The following CALN1 variants were observed in gnomAD, a reference collection of about 807,000 sequenced individuals.
CALN1 encodes calneuron 1.
CALN1 carries 17 observed loss-of-function variants against 30.6 expected under a neutral mutation model. The ratio of observed to expected loss-of-function variants is 0.56; its 90% confidence interval spans 0.38 to 0.83. The LOEUF (loss-of-function observed/expected upper bound fraction) is 0.83. Among genes scored for constraint, CALN1 ranks in the 40% least tolerant of loss-of-function variants. The probability of loss-of-function intolerance (pLI) is 0.00; values close to 1 mark genes in which losing one functional copy is unlikely to be tolerated. For missense variants in CALN1, 291 were observed against 354.9 expected (o/e 0.82, Z 1.45); for synonymous variants, 156 against 131.4 (o/e 1.19, Z -1.28).
chr7:71,887,408 G>T (rs1792976686), intron 5 of CALN1, among the ~76,000 whole-genome samples: 1 of 152,180 alleles, frequency 6.6e-6, no homozygotes, highest in Non-Finnish European at 1.5e-5. Flanking sequence ...CAATTCTCCT[G>T]CCTCAGCCTC....
At chr7:72,148,632 T>C (rs1034167936) in intron 3 of CALN1, among the ~76,000 whole-genome samples, 3 of 151,838 alleles carry the variant, frequency 2.0e-5, no homozygotes, top group African/African-American at 4.8e-5. Context: ...AGGCTGGGCA[T>C]GGTGGCTCAC....
chr7:71,897,468 A>G, intron 5 of CALN1, among the ~76,000 whole-genome samples: 1 of 152,168 alleles, frequency 6.6e-6, no homozygotes, highest in East Asian at 1.9e-4. Flanking sequence ...AGCTCAGCAC[A>G]CATTTCTTCC....
At chr7:72,281,021 G>A (rs1049497892) in intron 2 of CALN1, among the ~76,000 whole-genome samples, 2 of 151,962 alleles carry the variant, frequency 1.3e-5, no homozygotes, top group Non-Finnish European at 1.5e-5. Context: ...GTGCACACCT[G>A]TAATCTCAGC....
chr7:71,999,038 A>G (rs768439600), intron 5 of CALN1, among the ~76,000 whole-genome samples: 3 of 152,226 alleles, frequency 2.0e-5, no homozygotes, highest in African/African-American at 4.8e-5. Flanking sequence ...CACCAATAAA[A>G]AAACAGATTG....
intron 2 of CALN1, among the ~76,000 whole-genome samples, chr7:72,348,164 G>A (rs756423230): frequency 5.9e-5 from 9 of 152,166 alleles, no homozygotes; most frequent in Non-Finnish European, 1.2e-4. Flanking sequence ...AATTATGTTT[G>A]CATCAACATA....
At chr7:72,026,318 G>A (rs1801051614) in intron 4 of CALN1, among the ~76,000 whole-genome samples, 1 of 152,064 alleles carries the variant, frequency 6.6e-6, no homozygotes, top group South Asian at 2.1e-4. Flanking sequence ...GGGTGAGGTG[G>A]CTCACACCTG....
intron 2 of CALN1, among the ~76,000 whole-genome samples, chr7:72,375,140 A>G (rs1007424175): frequency 6.6e-6 from 1 of 152,148 alleles, no homozygotes; most frequent in Non-Finnish European, 1.5e-5. Flanking sequence ...TGGCTTAAAC[A>G]CGCATTGTCT....
chr7:71,993,483 G>C (rs1420679495), intron 5 of CALN1, among the ~76,000 whole-genome samples: 1 of 148,720 alleles, frequency 6.7e-6, no homozygotes, highest in Non-Finnish European at 1.5e-5. Flanking sequence ...CTGTCATGGA[G>C]TCTCACTCTG....
chr7:72,457,623 CAG>C, the CALN1 span, among the ~76,000 whole-genome samples: 46 of 152,060 alleles, frequency 3.0e-4, no homozygotes, highest in African/African-American at 9.9e-4. Flanking sequence ...CTCCTTCTCC[CAG>C]AGAGAGAGAG....
At chr7:71,925,806 GAA>G (rs1164691335) in intron 5 of CALN1, among the ~76,000 whole-genome samples, 3 of 152,118 alleles carry the variant, frequency 2.0e-5, no homozygotes, top group Admixed American at 2.0e-4. Flanking sequence ...CCAAACTGGA[GAA>G]AGAGGCATTC....
chr7:71,962,107 T>C (rs1562938856), intron 5 of CALN1, among the ~76,000 whole-genome samples: 1 of 152,120 alleles, frequency 6.6e-6, no homozygotes, highest in African/African-American at 2.4e-5. Context: ...AAGAATAACC[T>C]TGTGGCCAGG....
intron 2 of CALN1, among the ~76,000 whole-genome samples, chr7:72,348,756 G>C (rs1041247456): frequency 2.0e-5 from 3 of 152,308 alleles, no homozygotes; most frequent in Non-Finnish European, 2.9e-5. Flanking sequence ...TTTAAGACTT[G>C]ACCTAACAAA....
At chr7:72,320,108 G>C (rs1343661933) in intron 2 of CALN1, among the ~76,000 whole-genome samples, 3 of 152,072 alleles carry the variant, frequency 2.0e-5, no homozygotes, top group Non-Finnish European at 4.4e-5. Context: ...ACGACAGATC[G>C]AGATGACACA....
chr7:72,405,883 T>TCCC, intron 1 of CALN1, among the ~76,000 whole-genome samples: 1 of 151,902 alleles, frequency 6.6e-6, no homozygotes, highest in Non-Finnish European at 1.5e-5. Context: ...TCTTGTCAGG[T>TCCC]CCCCCCAGGC....
At chr7:71,807,949 C>G (rs1057213585) in intron 6 of CALN1, among the ~76,000 whole-genome samples, 1 of 152,090 alleles carries the variant, frequency 6.6e-6, no homozygotes, top group African/African-American at 2.4e-5. Flanking sequence ...GGGTGGGCAC[C>G]TGTAGTCCCA....
intron 4 of CALN1, among the ~76,000 whole-genome samples, chr7:72,040,663 C>A (rs971305943): frequency 6.6e-6 from 1 of 152,158 alleles, no homozygotes; most frequent in Non-Finnish European, 1.5e-5. Context: ...CATATGCACA[C>A]ATGCGCAGAG....
At position 72,270,351 on chromosome 7, in the gene CALN1, G is replaced by A. The variant is rs531098648; in HGVS notation, c.244+8335C>T. On this transcript the variant is annotated intron_variant, in intron 3 of 6. Coordinates refer to ENST00000395275, the MANE Select transcript of CALN1 (RefSeq NM_031468.4). ...CTAAATAAATAAATTCTAAATAAATGAAGGATATACAGATATTCACTTTTA... is the reference window on the plus strand; with the variant it reads ...CTAAATAAATAAATTCTAAATAAATAAAGGATATACAGATATTCACTTTTA... 2.0e-5 allele frequency among the ~76,000 whole-genome samples: 3 copies of A among 152,180 alleles called. No individual in the cohort carries two copies. The East Asian group carries it at 5.8e-4, about 29-fold the overall frequency.
chr7:72,345,684 C>T (rs962420751), intron 2 of CALN1, among the ~76,000 whole-genome samples: 18 of 152,244 alleles, frequency 1.2e-4, no homozygotes, highest in Middle Eastern at 3.4e-3. Flanking sequence ...CACTGATAAA[C>T]ACCCCAGGGT....
intron 5 of CALN1, among the ~76,000 whole-genome samples, chr7:71,945,950 CAGAGAAGTT>C (rs1262735709): frequency 6.6e-6 from 1 of 152,186 alleles, no homozygotes; most frequent in Non-Finnish European, 1.5e-5. Context: ...CTCCAGAGTT[CAGAGAAGTT>C]AGGGCAGAGA....
Sources: allele counts gnomAD v4.1 joint callset (sites outside exome capture counted in the v4.1 genomes callset), GRCh38; gene constraint gnomAD v4.1.1; transcripts MANE v1.5; gene names NCBI Gene and HGNC (gene_info 2026-07-23, HGNC 2026-07-21).